The following ECI2 variants were observed in gnomAD, a reference collection of about 807,000 sequenced individuals.
ECI2 encodes the protein enoyl-CoA delta isomerase 2.
ECI2 carries 27 observed loss-of-function variants against 38.4 expected under a neutral mutation model. That is an observed-to-expected ratio of 0.70 (90% CI 0.52 to 0.97). The LOEUF (loss-of-function observed/expected upper bound fraction) is 0.97, where lower values mean the gene tolerates loss of function less well. Ranked by LOEUF, ECI2 falls within the 50% of genes least tolerant of loss-of-function variation. The pLI is 0.00. For missense variants in ECI2, 470 were observed against 474.4 expected (o/e 0.99, Z 0.09); for synonymous variants, 168 against 172.0 (o/e 0.98, Z 0.18).
At chr6:4,127,959 T>G in intron 4 of ECI2, 128 bp from the exon 5 acceptor site, 3 of 805,192 alleles carry the variant, frequency 3.7e-6, no homozygotes, top group Non-Finnish European at 5.6e-6. Context: ...TTGGTTGTAT[T>G]TTATAACCAA....
intron 5 of ECI2, 86 bp downstream of exon 5, chr6:4,127,676 C>T: frequency 7.0e-7 from 1 of 1,434,462 alleles, no homozygotes; most frequent in Non-Finnish European, 9.5e-7. Flanking sequence ...GCCTCCAGGT[C>T]TTAGAGCTTT....
At chr6:4,134,298 T>C (rs1469930933) in intron 1 of ECI2, among the ~76,000 whole-genome samples, 4 of 151,814 alleles carry the variant, frequency 2.6e-5, no homozygotes. Context: ...TCTCAGCAGA[T>C]GGGAGGGAAT....
At chr6:4,129,744 T>C (rs1032186591) in intron 4 of ECI2, among the ~76,000 whole-genome samples, 6 of 152,210 alleles carry the variant, frequency 3.9e-5, no homozygotes, top group African/African-American at 9.6e-5. Flanking sequence ...ATGGAGGTTA[T>C]TGACCCAATG....
rs936823012 is a variant in ECI2 at position 4,135,057 on chromosome 6, C to A, written c.50+454G>T. The A allele has an allele frequency of 1.5e-5, 7 of 454,698 alleles. 1 individual carries two copies. Among genetic ancestry groups the A allele is most frequent in the South Asian group, 9.4e-5 (6 of 64,064 alleles). The allele number at this position is 454,698 out of a possible 1,614,324, so 28.2% of individuals were successfully genotyped here. A position where few individuals can be genotyped will look rare whatever the true frequency, so the allele number is the denominator to read the frequency against. On this transcript the variant is annotated intron_variant, in intron 1 of 9. Coordinates refer to ENST00000380118, the MANE Select transcript of ECI2 (RefSeq NM_206836.3). ...CCCGGCCATTTCACTTTATAGCATA[C>A]GTGTTCTCCAAGAAGCAGAGTGTTA...
At chr6:4,135,184 A>C in intron 1 of ECI2, 1 of 646,552 alleles carries the variant, frequency 1.5e-6, no homozygotes, top group South Asian at 1.5e-5. Flanking sequence ...CCGGGTGCTC[A>C]GCTGGGGCGG....
chr6:4,120,620 G>T (rs964541412), intron 7 of ECI2, among the ~76,000 whole-genome samples: 6 of 151,850 alleles, frequency 4.0e-5, no homozygotes, highest in Non-Finnish European at 8.8e-5. Context: ...CCAGCTACTC[G>T]GGAGGCTGAG....
chr6:4,116,083 A>T lies in ECI2; in HGVS notation c.1030-54T>A, dbSNP rs753943014. 402 of 1,565,690 alleles carry T rather than the reference A, an allele frequency of 2.6e-4. 1 individual carries two copies. Among genetic ancestry groups the T allele is most frequent in the Non-Finnish European group, 3.3e-4 (378 of 1,154,646 alleles). On this transcript the variant is annotated intron_variant, in intron 9 of 9. Coordinates refer to ENST00000380118, the MANE Select transcript of ECI2 (RefSeq NM_206836.3). ...AAGAGTTGACCTAGGCTGGACGTGG[A>T]CTCATGCCTGTAATCCCAGCACTTG... is the stretch of plus-strand genomic sequence containing the variant.
intron 2 of ECI2, among the ~76,000 whole-genome samples, chr6:4,132,368 G>C (rs6935587): frequency 0.064 from 9,774 of 152,028 alleles, 486 homozygotes; most frequent in East Asian, 0.28. Flanking sequence ...TCCATCACCT[G>C]TGCATGACTG....
In ECI2 at chr6:4,133,607, A is replaced by G. The variant is rs201887592; in HGVS notation, c.155T>C (p.Leu52Pro). 1.5e-5 allele frequency: 25 copies of G among 1,613,784 alleles called. No homozygotes were observed. Among genetic ancestry groups the G allele is most frequent in the Non-Finnish European group, 2.0e-5 (24 of 1,179,916 alleles). ...TTCGTTTCCTGGATCCTTTTTCAAG[A>G]GTTTCACTTGATTCATTGAATTTTC... Reference protein sequence around the residue: ...DFENSMNQVKLLKKDPGNEVK... With the variant: ...DFENSMNQVKPLKKDPGNEVK... The change falls in exon 2 of 10, where the codon CTC (leucine) becomes CCC (proline). Residue 52 changes from leucine to proline, a missense_variant. Transcript: ENST00000380118.
At chr6:4,123,138 C>T (rs1450466741) in intron 7 of ECI2, among the ~76,000 whole-genome samples, 3 of 151,976 alleles carry the variant, frequency 2.0e-5, no homozygotes, top group African/African-American at 7.3e-5. Flanking sequence ...TTTTCTACAG[C>T]CTTTTCCTTT....
rs1425321929 is a variant in ECI2, at chr6:4,115,935, C to T, written c.1124G>A (p.Trp375Ter). ...AEECNVLQGR[W>*]LSDECTNAVV... ...AGCATTTGTGCATTCATCTGATAGC[C>T]ATCTTCCCTGAAGGACATTGCATTC... Residue 375 changes from tryptophan to a stop codon, truncating the protein, a stop_gained, in exon 10 of 10, where the codon TGG becomes TAG. Transcript: ENST00000380118. LOFTEE classifies it low-confidence loss of function (END_TRUNC). The T allele has an allele frequency of 1.2e-6, 2 of 1,614,194 alleles. No homozygotes were observed. Among genetic ancestry groups the T allele is most frequent in the Non-Finnish European group, 1.7e-6 (2 of 1,180,036 alleles).
intron 7 of ECI2, among the ~76,000 whole-genome samples, chr6:4,120,007 G>A (rs1003693163): frequency 2.6e-5 from 4 of 152,100 alleles, no homozygotes; most frequent in Non-Finnish European, 4.4e-5. Flanking sequence ...TTTGTTCCTC[G>A]CTATTTCTGA....
Position 4,116,040 on chromosome 6 carries a change from A to G in ECI2, c.1030-11T>C. 1 of 1,609,888 alleles carries G rather than the reference A, an allele frequency of 6.2e-7. No homozygotes were observed. Among genetic ancestry groups the G allele is most frequent in the Non-Finnish European group, 8.5e-7 (1 of 1,178,030 alleles). ...TGAAATTCTCAAGGCCTGGAAAAAC[A>G]AAACCAACAATAAGGTTAAGAGTTG... is the stretch of plus-strand genomic sequence containing the variant. On this transcript the variant is annotated splice_polypyrimidine_tract_variant and intron_variant, in intron 9 of 9. Coordinates refer to ENST00000380118, the MANE Select transcript of ECI2 (RefSeq NM_206836.3).
chr6:4,127,400 G>A (rs1176355902), intron 5 of ECI2, among the ~76,000 whole-genome samples: 1 of 131,536 alleles, frequency 7.6e-6, no homozygotes, highest in Non-Finnish European at 1.6e-5. Context: ...AAAGATCTTA[G>A]AGCCTTTTTT....
rs143489712 is a variant in ECI2 at position 4,130,567 on chromosome 6, G to C, written c.313-7C>G. 1.2e-6 allele frequency: 2 copies of C among 1,614,130 alleles called. No homozygotes were observed. The highest frequency in any genetic ancestry group is 1.7e-6 in the Non-Finnish European group (2 of 1,180,040). ...AGTTCTGCCTGGCAGCTTCCTGAAC[G>C]GACGATGACAAACAACCTCAGCCCA... On this transcript the variant is annotated splice_polypyrimidine_tract_variant and splice_region_variant and intron_variant, in intron 3 of 9. Transcript: ENST00000380118.
rs941400812 is a variant in ECI2, at chr6:4,127,744, C to T, written c.571+18G>A. 1.9e-6 allele frequency: 3 copies of T among 1,603,660 alleles called. No homozygotes were observed. In the South Asian group the frequency reaches 3.4e-5, roughly 18 times the overall value. On this transcript the variant is annotated intron_variant, in intron 5 of 9. Transcript: ENST00000380118. ...TCAAAATAGAAATTTAATTAGGATGCCTGAGAAAATGTCTTACCTGTTAAA... is the reference window on the plus strand; with the variant it reads ...TCAAAATAGAAATTTAATTAGGATGTCTGAGAAAATGTCTTACCTGTTAAA...
In ECI2 at chr6:4,119,294, A is replaced by G. The variant is rs769522859; in HGVS notation, c.796-19T>C. ...ATGTTGCCTGCAGAGGCAGGAGAGA[A>G]AAGAAAACCATCTTTTCATGTGTGA... On this transcript the variant is annotated intron_variant, in intron 7 of 9. Transcript: ENST00000380118. 1.9e-6 allele frequency: 3 copies of G among 1,555,508 alleles called. No individual in the cohort carries two copies. The African/African-American group carries it at 4.2e-5, about 22-fold the overall frequency.
At chr6:4,126,024 A>AT in intron 6 of ECI2, 111 bp downstream of exon 6, 1 of 849,288 alleles carries the variant, frequency 1.2e-6, no homozygotes, top group Non-Finnish European at 1.9e-6. Flanking sequence ...CAAAGTCACA[A>AT]TTAACTGCAC....
chr6:4,125,222 A>G, intron 7 of ECI2, 28 bp downstream of exon 7: 2 of 1,612,526 alleles, frequency 1.2e-6, no homozygotes, highest in South Asian at 2.2e-5. Flanking sequence ...TGCTTGCCTG[A>G]CCTCTTGCTT....
Sources: allele counts gnomAD v4.1 joint callset (sites outside exome capture counted in the v4.1 genomes callset), GRCh38; gene constraint gnomAD v4.1.1; transcripts MANE v1.5; gene names NCBI Gene and HGNC (gene_info 2026-07-23, HGNC 2026-07-21).